ASTN2: variants seen among roughly 807,000 people sequenced by gnomAD.
ASTN2 encodes the protein astrotactin 2, also known as astrotactin-2.
A neutral mutation model predicts 139.8 loss-of-function variants in ASTN2; 54 were observed. That is an observed-to-expected ratio of 0.39 (90% confidence interval 0.31 to 0.48). The LOEUF (loss-of-function observed/expected upper bound fraction) is 0.48. Ranked by LOEUF, ASTN2 falls within the 20% of genes least tolerant of loss-of-function variation. The probability of loss-of-function intolerance (pLI) is 0.95; values close to 1 mark genes in which losing one functional copy is unlikely to be tolerated. For missense variants in ASTN2, 1,565 were observed against 1,725.1 expected, an observed-to-expected ratio of 0.91 and a Z score of 1.64; for synonymous variants, 756 against 719.5, an observed-to-expected ratio of 1.05 and a Z score of -0.81.
intron 11 of ASTN2, among the ~76,000 whole-genome samples, chr9:116,832,057 T>C (rs1338048273): frequency 6.6e-6 from 1 of 152,218 alleles, no homozygotes; most frequent in Non-Finnish European, 1.5e-5. Context: ...ATTTTTTATA[T>C]ATTTTGTCAG....
At chr9:116,939,314 T>C (rs1835163581) in intron 10 of ASTN2, among the ~76,000 whole-genome samples, 2 of 152,196 alleles carry the variant, frequency 1.3e-5, no homozygotes, top group Non-Finnish European at 2.9e-5. Flanking sequence ...CTCAATAAAA[T>C]AATCACTTTT....
At chr9:117,322,535 G>A (rs1828365430) in intron 1 of ASTN2, among the ~76,000 whole-genome samples, 1 of 152,072 alleles carries the variant, frequency 6.6e-6, no homozygotes, top group Non-Finnish European at 1.5e-5. Context: ...GGCACAACTG[G>A]GCATATGGAC....
At chr9:117,062,638 T>C (rs1268571748) in intron 5 of ASTN2, among the ~76,000 whole-genome samples, 2 of 152,180 alleles carry the variant, frequency 1.3e-5, no homozygotes, top group African/African-American at 2.4e-5. Context: ...CCCTTAGCCA[T>C]GCCCTTGAGT....
intron 10 of ASTN2, among the ~76,000 whole-genome samples, chr9:116,926,778 G>C (rs1367960215): frequency 6.6e-6 from 1 of 152,180 alleles, no homozygotes. Context: ...CATCCACAGA[G>C]TGACACGGCT....
chr9:117,296,277 C>CAAAAAAA (rs5900277), intron 1 of ASTN2, among the ~76,000 whole-genome samples: 51 of 70,998 alleles, frequency 7.2e-4, no homozygotes, highest in African/African-American at 2.8e-3. Context: ...GACTGCATCT[C>CAAAAAAA]AAAAAAAAAA....
intron 13 of ASTN2, among the ~76,000 whole-genome samples, chr9:116,799,736 T>C (rs978126871): frequency 2.9e-5 from 4 of 139,964 alleles, no homozygotes; most frequent in African/African-American, 8.7e-5. Context: ...AACAAACAAA[T>C]AAACATCAAA....
chr9:116,658,081 A>T (rs779425173), intron 16 of ASTN2, among the ~76,000 whole-genome samples: 15 of 151,778 alleles, frequency 9.9e-5, no homozygotes, highest in Admixed American at 6.6e-4. Flanking sequence ...AGATTTAAGG[A>T]AGTTTGTTTT....
chr9:117,175,867 T>C (rs1382713356), intron 3 of ASTN2, among the ~76,000 whole-genome samples: 1 of 152,036 alleles, frequency 6.6e-6, no homozygotes, highest in Admixed American at 6.6e-5. Flanking sequence ...AAAAAAACAT[T>C]GTAGAATTAA....
At chr9:117,360,099 G>A (rs771289249) in intron 1 of ASTN2, among the ~76,000 whole-genome samples, 1 of 152,106 alleles carries the variant, frequency 6.6e-6, no homozygotes. Context: ...GCAGCTGTCC[G>A]GCACATAGAG....
At chr9:116,760,292 T>G (rs945808214) in intron 13 of ASTN2, among the ~76,000 whole-genome samples, 1 of 152,326 alleles carries the variant, frequency 6.6e-6, no homozygotes. Flanking sequence ...GTTAAGACTA[T>G]TTTTTGAACA....
chr9:117,120,617 A>G (rs1256223093), intron 4 of ASTN2, among the ~76,000 whole-genome samples: 1 of 152,074 alleles, frequency 6.6e-6, no homozygotes, highest in African/African-American at 2.4e-5. Context: ...CAGTGGGAGG[A>G]TCCTCTCCCT....
At chr9:116,785,743 C>T (rs1253383625) in intron 13 of ASTN2, among the ~76,000 whole-genome samples, 1 of 152,038 alleles carries the variant, frequency 6.6e-6, no homozygotes, top group Non-Finnish European at 1.5e-5. Flanking sequence ...CAGAATCTGC[C>T]CACCTCTCTC....
chr9:117,272,949 C>T (rs983057735), intron 2 of ASTN2, among the ~76,000 whole-genome samples: 9 of 152,318 alleles, frequency 5.9e-5, no homozygotes, highest in Non-Finnish European at 1.0e-4. Flanking sequence ...GTTCCAAAGT[C>T]GCTTCCACAT....
Position 116,928,403 on chromosome 9 carries a change from T to C in ASTN2, c.1889+46805A>G, listed in dbSNP as rs1453046695. 3.9e-5 allele frequency among the ~76,000 whole-genome samples: 6 copies of C among 151,978 alleles called. No homozygotes were observed. The East Asian group carries it at 9.7e-4, about 24-fold the overall frequency. On this transcript the variant is annotated intron_variant, in intron 10 of 22. Transcript: ENST00000313400. ...AGATATTCTAAAAAAATTCCACATA[T>C]AGATTTGAAGACTAATGGGCAGTCA...
At chr9:117,028,781 T>G (rs1409603616) in intron 6 of ASTN2, among the ~76,000 whole-genome samples, 2 of 152,172 alleles carry the variant, frequency 1.3e-5, no homozygotes, top group African/African-American at 2.4e-5. Context: ...ACAGAGTACC[T>G]GGGACACTAA....
At chr9:116,665,784 A>T (rs987421976) in intron 16 of ASTN2, among the ~76,000 whole-genome samples, 2 of 152,224 alleles carry the variant, frequency 1.3e-5, no homozygotes. Context: ...ATTGCAATTG[A>T]TTTAAATTTA....
At chr9:117,371,930 G>A (rs1009070566) in intron 1 of ASTN2, among the ~76,000 whole-genome samples, 35 of 152,040 alleles carry the variant, frequency 2.3e-4, no homozygotes, top group African/African-American at 6.0e-4. Flanking sequence ...AGGGCTCTTC[G>A]TCTGCCTTGC....
chr9:116,662,422 A>C (rs1323409899), intron 16 of ASTN2, among the ~76,000 whole-genome samples: 1 of 151,390 alleles, frequency 6.6e-6, no homozygotes. Flanking sequence ...AAAATACAAA[A>C]GTTAGCTGGG....
intron 10 of ASTN2, among the ~76,000 whole-genome samples, chr9:116,903,872 G>A (rs546846176): frequency 1.3e-5 from 2 of 152,328 alleles, no homozygotes; most frequent in South Asian, 2.1e-4. Flanking sequence ...ACAGGGGACT[G>A]GCATAGCAGA....
Sources: gnomAD v4.1 joint callset for allele counts (sites outside exome capture counted in the v4.1 genomes callset) on GRCh38, gnomAD v4.1.1 for gene constraint, MANE v1.5 for transcripts, NCBI Gene and HGNC (gene_info 2026-07-23, HGNC 2026-07-21) for gene names.